Variants in PCDH9 observed in about 807,000 individuals in gnomAD.
PCDH9 encodes protocadherin 9, also known as protocadherin-9.
PCDH9 carries 24 observed loss-of-function variants against 70.6 expected under a neutral mutation model. The ratio of observed to expected loss-of-function variants is 0.34; its 90% CI spans 0.25 to 0.48. The LOEUF is 0.48. Among genes scored for constraint, PCDH9 ranks in the 20% least tolerant of loss-of-function variants. PCDH9 has a pLI of 0.99. For synonymous variants in PCDH9, 562 were observed against 558.5 expected (o/e 1.01, Z -0.09); for missense variants, 1,281 against 1,503.6 (o/e 0.85, Z 2.45).
chr13:66,631,075 A>C (rs1488927069), intron 4 of PCDH9, 135 bp downstream of exon 4: 2 of 620,040 alleles, frequency 3.2e-6, no homozygotes, highest in Non-Finnish European at 5.8e-6. Flanking sequence ...ATCTCAAAGA[A>C]TACAGCAACA....
At chr13:66,522,999 G>T in intron 4 of PCDH9, among the ~76,000 whole-genome samples, 1 of 152,100 alleles carries the variant, frequency 6.6e-6, no homozygotes, top group Non-Finnish European at 1.5e-5. Flanking sequence ...TTGCTGGACT[G>T]AAATTACAGT....
At chr13:66,435,857 G>A (rs142764219) in intron 4 of PCDH9, among the ~76,000 whole-genome samples, 1,928 of 152,114 alleles carry the variant, frequency 0.013, 43 homozygotes, top group African/African-American at 0.045. Context: ...GGGAGCCAGC[G>A]ACTTGGAGAA....
intron 2 of PCDH9, among the ~76,000 whole-genome samples, chr13:66,911,131 T>G (rs1003864749): frequency 1.3e-5 from 2 of 152,166 alleles, no homozygotes; most frequent in South Asian, 2.1e-4. Context: ...TATAGAAATT[T>G]TGGTAATGCA....
chr13:66,896,832 T>C (rs144126281), intron 3 of PCDH9, among the ~76,000 whole-genome samples: 18 of 152,298 alleles, frequency 1.2e-4, no homozygotes, highest in Admixed American at 5.2e-4. Flanking sequence ...AGTGGAACTT[T>C]CCTTAAAATT....
At chr13:67,181,987 T>G (rs957108506) in intron 2 of PCDH9, among the ~76,000 whole-genome samples, 4 of 152,186 alleles carry the variant, frequency 2.6e-5, no homozygotes, top group African/African-American at 7.2e-5. Context: ...CAGTCCTTTG[T>G]GTCCTGTGGT....
At chr13:66,750,252 ATTAG>A (rs1201187566) in intron 3 of PCDH9, among the ~76,000 whole-genome samples, 13 of 152,362 alleles carry the variant, frequency 8.5e-5, no homozygotes, top group African/African-American at 3.1e-4. Flanking sequence ...CACATTTAAA[ATTAG>A]TTAATTATCA....
chr13:67,080,115 C>T (rs1331864212), intron 2 of PCDH9, among the ~76,000 whole-genome samples: 2 of 152,164 alleles, frequency 1.3e-5, no homozygotes, highest in Non-Finnish European at 2.9e-5. Flanking sequence ...ATCGGAACTT[C>T]TTGAGATTGT....
At chr13:67,181,336 G>C (rs2088609843) in intron 2 of PCDH9, among the ~76,000 whole-genome samples, 1 of 152,098 alleles carries the variant, frequency 6.6e-6, no homozygotes, top group African/African-American at 2.4e-5. Context: ...ATCGGTCTTA[G>C]TTTTTAGGAA....
chr13:67,012,812 A>G (rs2084477565), intron 2 of PCDH9, among the ~76,000 whole-genome samples: 1 of 152,044 alleles, frequency 6.6e-6, no homozygotes, highest in Non-Finnish European at 1.5e-5. Context: ...GTCACACTGT[A>G]GCGAAAATTC....
At chr13:67,161,648 C>T (rs748706318) in intron 2 of PCDH9, among the ~76,000 whole-genome samples, 3 of 152,050 alleles carry the variant, frequency 2.0e-5, no homozygotes, top group Non-Finnish European at 2.9e-5. Flanking sequence ...AACTGTTGAC[C>T]GTAGAATGTA....
intron 3 of PCDH9, among the ~76,000 whole-genome samples, chr13:66,732,827 C>T: frequency 6.6e-6 from 1 of 151,818 alleles, no homozygotes; most frequent in East Asian, 1.9e-4. Flanking sequence ...AAAATATTCC[C>T]CAACCTGGGA....
intron 2 of PCDH9, among the ~76,000 whole-genome samples, chr13:67,011,898 G>C (rs938138666): frequency 2.6e-5 from 4 of 151,800 alleles, no homozygotes; most frequent in African/African-American, 9.7e-5. Context: ...CACCTATTTT[G>C]AAATTCATCT....
At chr13:67,069,638 C>T (rs2085720246) in intron 2 of PCDH9, among the ~76,000 whole-genome samples, 1 of 152,156 alleles carries the variant, frequency 6.6e-6, no homozygotes, top group Non-Finnish European at 1.5e-5. Flanking sequence ...GCTTTTCACA[C>T]TCTATAATTG....
intron 2 of PCDH9, among the ~76,000 whole-genome samples, chr13:67,086,606 G>C (rs1402563322): frequency 6.6e-6 from 1 of 152,156 alleles, no homozygotes; most frequent in African/African-American, 2.4e-5. Flanking sequence ...ATGTAACAGA[G>C]TTAAGAAAGA....
chr13:66,619,799 AC>A (rs1307456565), intron 4 of PCDH9, among the ~76,000 whole-genome samples: 3 of 152,028 alleles, frequency 2.0e-5, no homozygotes, highest in African/African-American at 7.2e-5. Context: ...TTCTGGCTGT[AC>A]ATTCTTAATT....
chr13:67,084,939 C>A (rs1212837889), intron 2 of PCDH9, among the ~76,000 whole-genome samples: 1 of 124,356 alleles, frequency 8.0e-6, no homozygotes, highest in Non-Finnish European at 1.6e-5. Flanking sequence ...TGCACTCCAG[C>A]CTGGGTGACA....
chr13:67,117,290 T>C (rs1014616971), intron 2 of PCDH9, among the ~76,000 whole-genome samples: 1 of 152,168 alleles, frequency 6.6e-6, no homozygotes, highest in African/African-American at 2.4e-5. Context: ...GGGAATTAAT[T>C]GTGTTCTCTT....
At position 66,332,148 on chromosome 13, in the gene PCDH9, T is replaced by A. The variant is rs2138120360; in HGVS notation, c.3341-27120A>T. On this transcript the variant is annotated intron_variant, in intron 4 of 4. Transcript: ENST00000377865. ...GGATTCAAAGGCTCTCCACGCTCCT[T>A]GGCTTACCTAGGAAAGAATTTCCTT... Among the ~76,000 whole-genome samples the A allele has an allele frequency of 1.3e-5, 2 of 152,252 alleles. 1 individual carries two copies. Among genetic ancestry groups the A allele is most frequent in the South Asian group, 4.1e-4 (2 of 4,822 alleles).
At chr13:66,325,738 T>C (rs1300540180) in intron 4 of PCDH9, among the ~76,000 whole-genome samples, 1 of 152,108 alleles carries the variant, frequency 6.6e-6, no homozygotes, top group Non-Finnish European at 1.5e-5. Context: ...TCACTCTTAT[T>C]TTATTCACAA....
Sources: allele counts gnomAD v4.1 joint callset (sites outside exome capture counted in the v4.1 genomes callset), GRCh38; gene constraint gnomAD v4.1.1; transcripts MANE v1.5; gene names NCBI Gene and HGNC (gene_info 2026-07-23, HGNC 2026-07-21).